The following NEK10 variants were observed in gnomAD, a reference collection of about 807,000 sequenced individuals.
NEK10 encodes NIMA related kinase 10.
NEK10 carries 122 observed loss-of-function variants against 159.8 expected under a neutral mutation model. The observed-to-expected ratio is 0.76, with a 90% CI of 0.66 to 0.89. NEK10 has a LOEUF of 0.89. Among genes scored for constraint, NEK10 ranks in the 40% least tolerant of loss-of-function variants. The pLI is 0.00. For missense variants in NEK10, 1,342 were observed against 1,323.1 expected, an observed-to-expected ratio of 1.01 and a Z score of -0.22; for synonymous variants, 466 against 457.1, an observed-to-expected ratio of 1.02 and a Z score of -0.25.
chr3:27,307,196 G>T (rs2044312844), intron 11 of NEK10, among the ~76,000 whole-genome samples: 1 of 152,186 alleles, frequency 6.6e-6, no homozygotes. Context: ...GCTCTTTTAT[G>T]AGAGTTTTGA....
intron 23 of NEK10, among the ~76,000 whole-genome samples, chr3:27,238,745 T>TTG (rs1954226887): frequency 9.1e-6 from 1 of 109,560 alleles, no homozygotes; most frequent in African/African-American, 3.3e-5. Context: ...ACCTCCCCTT[T>TTG]CGTGTGTGTG....
intron 30 of NEK10, among the ~76,000 whole-genome samples, chr3:27,149,655 TC>T (rs1944641970): frequency 1.3e-5 from 2 of 152,220 alleles, no homozygotes; most frequent in East Asian, 1.9e-4. Flanking sequence ...AACCAGCCAT[TC>T]CCCCATCTTT....
chr3:27,291,507 C>T lies in NEK10; in HGVS notation c.1453G>A (p.Val485Ile). Residue 485 changes from valine to isoleucine, a missense_variant, in exon 17 of 36, where the codon GTA becomes ATA. Val to Ile is a conservative substitution (Grantham distance 29). Coordinates refer to ENST00000691995, the MANE Select transcript of NEK10 (RefSeq NM_001394966.1). ...ACCACTAATAAATTCAGCTTGGATA[C>T]CAATTCTTCATAAGCACTGATATCA... is the stretch of plus-strand genomic sequence containing the variant. The part of the protein sequence containing the change: ...VRDISAYEEL[V>I]SKLNLLVEDE... 1 of 1,609,718 alleles carries T rather than the reference C, an allele frequency of 6.2e-7. No individual in the cohort carries two copies.
intron 23 of NEK10, chr3:27,253,016 A>T (rs2166214): frequency 0.26 from 105,700 of 400,264 alleles, 14,750 homozygotes; most frequent in Middle Eastern, 0.4. Flanking sequence ...CAAAAAAATA[A>T]TTTTTTTAAA....
rs1244622740 is a variant in NEK10, at chr3:27,191,389, G to A, written c.2505+640C>T. Among the ~76,000 whole-genome samples, 4 of 152,144 alleles carry A rather than the reference G, an allele frequency of 2.6e-5. No homozygotes were observed. In the East Asian group the frequency reaches 7.7e-4, roughly 29 times the overall value. Reference sequence around the variant, plus strand: ...AAACAACAGAACACTGATTGTGATTGCAACAAAGACACAGAAGAAAGAAAA... The same window carrying A: ...AAACAACAGAACACTGATTGTGATTACAACAAAGACACAGAAGAAAGAAAA... On this transcript the variant is annotated intron_variant, in intron 26 of 35. Transcript: ENST00000691995.
At chr3:27,228,886 C>T (rs904243653) in intron 23 of NEK10, among the ~76,000 whole-genome samples, 1 of 152,110 alleles carries the variant, frequency 6.6e-6, no homozygotes, top group Non-Finnish European at 1.5e-5. Context: ...AGCTCCCACC[C>T]TTCTCCCTGA....
At chr3:27,140,693 C>T (rs957753812) in intron 31 of NEK10, among the ~76,000 whole-genome samples, 18 of 152,296 alleles carry the variant, frequency 1.2e-4, no homozygotes, top group Admixed American at 6.5e-4. Flanking sequence ...ACAGCATCCC[C>T]CATTGGTTCT....
chr3:27,331,061 C>T (rs996498922), intron 5 of NEK10, among the ~76,000 whole-genome samples: 43 of 151,932 alleles, frequency 2.8e-4, no homozygotes, highest in African/African-American at 1.0e-3. Flanking sequence ...CATGGCGAAA[C>T]CCTGTCTCTA....
intron 19 of NEK10, among the ~76,000 whole-genome samples, chr3:27,289,764 A>G (rs967040899): frequency 2.0e-5 from 3 of 152,232 alleles, no homozygotes; most frequent in Non-Finnish European, 4.4e-5. Flanking sequence ...CACATGAACA[A>G]ACTTTTTAAA....
intron 32 of NEK10, among the ~76,000 whole-genome samples, chr3:27,122,550 A>C: frequency 6.6e-6 from 1 of 152,212 alleles, no homozygotes; most frequent in South Asian, 2.1e-4. Flanking sequence ...CTCATATCCC[A>C]GCTTGTAGGT....
intron 2 of NEK10, 82 bp downstream of exon 2, chr3:27,352,730 C>A: frequency 1.0e-6 from 1 of 975,496 alleles, no homozygotes; most frequent in South Asian, 1.3e-5. Context: ...CAAGAGTCTT[C>A]TCTATTTCTC....
chr3:27,211,565 G>T (rs1951010826), intron 23 of NEK10, among the ~76,000 whole-genome samples: 1 of 152,068 alleles, frequency 6.6e-6, no homozygotes, highest in South Asian at 2.1e-4. Context: ...GTCCAGTTTG[G>T]TAAAAGCATG....
At chr3:27,252,312 G>A in intron 23 of NEK10, 1 of 444,848 alleles carries the variant, frequency 2.2e-6, no homozygotes, top group South Asian at 1.6e-5. Flanking sequence ...TGGCATTTAA[G>A]CAAAGAGCAG....
chr3:27,254,633 A>AT (rs377499029), intron 23 of NEK10, among the ~76,000 whole-genome samples: 35,228 of 151,992 alleles, frequency 0.23, 4,432 homozygotes, highest in Middle Eastern at 0.37. Flanking sequence ...TAACTCGGAG[A>AT]GATGAGAGAA....
intron 23 of NEK10, among the ~76,000 whole-genome samples, chr3:27,241,352 C>T (rs185809379): frequency 3.3e-5 from 5 of 152,110 alleles, no homozygotes; most frequent in South Asian, 4.1e-4. Flanking sequence ...TTACTTCTTG[C>T]GAGCACACTG....
chr3:27,304,866 G>C lies in NEK10; in HGVS notation c.909C>G (p.Asp303Glu). Reference protein sequence around the residue: ...IPVLLSLLHSDHLKLLWSIVW... With the variant: ...IPVLLSLLHSEHLKLLWSIVW... Reference sequence around the variant, plus strand: ...CAATGCTCCAGAGGAGCTTCAAGTGGTCAGAGTGGAGCAGACTGAGGAGGA... The same window carrying C: ...CAATGCTCCAGAGGAGCTTCAAGTGCTCAGAGTGGAGCAGACTGAGGAGGA... The change falls in exon 12 of 36, where the codon GAC becomes GAG. Residue 303 changes from aspartate to glutamate, a missense_variant. Asp to Glu is a conservative substitution (Grantham distance 45, BLOSUM62 2). Coordinates refer to ENST00000691995, the MANE Select transcript of NEK10 (RefSeq NM_001394966.1). 1 of 1,613,412 alleles carries C rather than the reference G, an allele frequency of 6.2e-7. No individual in the cohort carries two copies. The highest frequency in any genetic ancestry group is 1.1e-5 in the South Asian group (1 of 91,062).
intron 8 of NEK10, 57 bp from the exon 9 acceptor site, chr3:27,311,073 C>T: frequency 9.2e-7 from 1 of 1,083,722 alleles, no homozygotes; most frequent in South Asian, 1.3e-5. Flanking sequence ...GGGAGTACTT[C>T]CAGGAGCACA....
intron 22 of NEK10, among the ~76,000 whole-genome samples, chr3:27,274,528 AT>A (rs1054716150): frequency 6.6e-6 from 1 of 152,084 alleles, no homozygotes; most frequent in African/African-American, 2.4e-5. Flanking sequence ...TTCAGTTGGA[AT>A]AATGGAGCTC....
At chr3:27,356,902 T>C (rs1211192598) in intron 1 of NEK10, among the ~76,000 whole-genome samples, 1 of 152,186 alleles carries the variant, frequency 6.6e-6, no homozygotes, top group Admixed American at 6.5e-5. Flanking sequence ...CACAAATATG[T>C]CCCTGACACA....
Sources: gnomAD v4.1 joint callset for allele counts (sites outside exome capture counted in the v4.1 genomes callset) on GRCh38, gnomAD v4.1.1 for gene constraint, MANE v1.5 for transcripts, NCBI Gene and HGNC (gene_info 2026-07-23, HGNC 2026-07-21) for gene names.